Variants in FANCB observed in about 807,000 individuals in gnomAD.
The protein encoded by FANCB is FA complementation group B, also known as Fanconi anemia group B protein.
Under a neutral mutation model 38.9 loss-of-function variants are expected in FANCB, and 5 were observed. That is an observed-to-expected ratio of 0.13 (90% CI 0.07 to 0.27). The LOEUF is 0.27. Among genes scored for constraint, FANCB ranks in the 10% least tolerant of loss-of-function variants. The pLI is 1.00. For synonymous variants in FANCB, 236 were observed against 215.4 expected (o/e 1.10, Z -0.84); for missense variants, 573 against 602.7 (o/e 0.95, Z 0.52).
the FANCB span, chrX:14,731,570 A>G: frequency 8.9e-6 from 1 of 111,921 alleles, no homozygotes; most frequent in Admixed American, 9.5e-5. Context: ...AAATATCCTT[A>G]ACTAACTTAA....
At chrX:14,779,542 C>T in the FANCB span, among the ~76,000 whole-genome samples, 2 of 111,998 alleles carry the variant, frequency 1.8e-5, no homozygotes, top group Non-Finnish European at 3.8e-5. Flanking sequence ...TTCTACCTTC[C>T]CCCATGCCCA....
chrX:14,739,637 T>C, the FANCB span, among the ~76,000 whole-genome samples: 1 of 111,585 alleles, frequency 9.0e-6, no homozygotes, highest in Non-Finnish European at 1.9e-5. Flanking sequence ...TTTTGTGTGA[T>C]TGAATGGCCC....
the FANCB span, among the ~76,000 whole-genome samples, chrX:14,809,766 A>G: frequency 8.9e-6 from 1 of 112,692 alleles, no homozygotes; most frequent in Non-Finnish European, 1.9e-5. Flanking sequence ...ACAGACAAAC[A>G]AAAAGACAGC....
the FANCB span, among the ~76,000 whole-genome samples, chrX:14,809,389 C>A: frequency 6.4e-4 from 72 of 112,329 alleles, no homozygotes; most frequent in African/African-American, 2.3e-3. Context: ...TTGCCTCACT[C>A]GGGCAGCGCA....
the FANCB span, among the ~76,000 whole-genome samples, chrX:14,710,952 A>G: frequency 1.8e-5 from 2 of 112,311 alleles, no homozygotes. Context: ...TTACCTTCCA[A>G]GGTGGTATGT....
chrX:14,700,325 C>T, the FANCB span, among the ~76,000 whole-genome samples: 701 of 109,648 alleles, frequency 6.4e-3, 3 homozygotes, highest in African/African-American at 0.019. Flanking sequence ...GGGGCAGGGA[C>T]GGAGCAGGAA....
At chrX:14,732,294 TTTGGGTTAGTTCCAAGTCTTG>T in the FANCB span, among the ~76,000 whole-genome samples, 29 of 112,253 alleles carry the variant, frequency 2.6e-4, no homozygotes, top group South Asian at 0.01. Context: ...TTGATGGGCA[TTTGGGTTAGTTCCAAGTCTTG>T]GCTATTGTAA....
the FANCB span, among the ~76,000 whole-genome samples, chrX:14,792,161 A>C: frequency 1.8e-5 from 2 of 112,154 alleles, no homozygotes; most frequent in African/African-American, 6.5e-5. Flanking sequence ...CTGAAATTTA[A>C]GATTCTTTAA....
At chrX:14,843,369 C>T (rs2092360789), downstream of FANCB, 1 of 387,568 alleles carries the variant, frequency 2.6e-6, no homozygotes, top group South Asian at 5.0e-5. Context: ...CCAAATGCCC[C>T]TTGGGGTAGA....
At chrX:14,778,917 G>A in the FANCB span, among the ~76,000 whole-genome samples, 2 of 112,097 alleles carry the variant, frequency 1.8e-5, no homozygotes, top group Non-Finnish European at 3.8e-5. Flanking sequence ...TGCTTAAAAT[G>A]GTCTATAACC....
At chrX:14,693,519 T>C in the FANCB span, among the ~76,000 whole-genome samples, 25 of 111,765 alleles carry the variant, frequency 2.2e-4, no homozygotes, top group African/African-American at 8.1e-4. Flanking sequence ...CTCACACTCA[T>C]AGTGAGGAAT....
chrX:14,719,121 C>A, the FANCB span, among the ~76,000 whole-genome samples: 1 of 111,876 alleles, frequency 8.9e-6, no homozygotes, highest in East Asian at 2.8e-4. Flanking sequence ...TAAATGCACA[C>A]CTACAGGAAT....
chrX:14,813,574 A>C, the FANCB span, among the ~76,000 whole-genome samples: 2 of 111,702 alleles, frequency 1.8e-5, no homozygotes, highest in South Asian at 3.7e-4. Flanking sequence ...CCCCATTCAC[A>C]GTTGCTACAA....
chrX:14,860,951 C>T (rs963135437), intron 3 of FANCB, among the ~76,000 whole-genome samples: 2 of 110,599 alleles, frequency 1.8e-5, no homozygotes, highest in African/African-American at 6.6e-5. Flanking sequence ...GGCACAATTA[C>T]AGCTCACTAC....
the FANCB span, among the ~76,000 whole-genome samples, chrX:14,811,978 T>C: frequency 8.9e-6 from 1 of 111,850 alleles, no homozygotes; most frequent in East Asian, 2.8e-4. Context: ...TAGACCACAG[T>C]GCAATCAAAC....
Position 14,865,240 on chromosome X carries a change from G to A in FANCB, c.271C>T (p.Leu91Phe), listed in dbSNP as rs752308987. Residue 91 changes from leucine to phenylalanine, a missense_variant, in exon 3 of 10, where the codon CTC becomes TTC. Leu to Phe is a conservative substitution (Grantham distance 22). Transcript: ENST00000650831. Reference sequence around the variant, plus strand: ...TTTTTTTCTATCACAATGTAAGGGAGGTTAATTCCAGTTCTGAAATCTGAC... The same window carrying A: ...TTTTTTTCTATCACAATGTAAGGGAAGTTAATTCCAGTTCTGAAATCTGAC... ...CVSDFRTGIN[L>F]PYIVIEKNKK... is the part of the protein sequence containing the mutation. 2 of 1,148,855 alleles carry A rather than the reference G, an allele frequency of 1.7e-6. No homozygotes were observed. Among genetic ancestry groups the A allele is most frequent in the South Asian group, 2.1e-5 (1 of 47,801 alleles). The allele number at this position is 1,148,855 out of a possible 1,213,427, so 94.7% of individuals were successfully genotyped here.
At chrX:14,730,764 ACATTCAGACATGATATGCGCAT>A in the FANCB span, 29 of 290,790 alleles carry the variant, frequency 1.0e-4, no homozygotes, top group Admixed American at 6.8e-4. Context: ...GATATGCGCA[ACATTCAGACATGATATGCGCAT>A]CATTCAGACA....
At chrX:14,785,547 C>T in the FANCB span, among the ~76,000 whole-genome samples, 4 of 112,075 alleles carry the variant, frequency 3.6e-5, no homozygotes, top group African/African-American at 1.3e-4. Flanking sequence ...GAGGAGGATG[C>T]ACCTAAGTCA....
chrX:14,747,611 T>C, the FANCB span, among the ~76,000 whole-genome samples: 1 of 112,489 alleles, frequency 8.9e-6, no homozygotes, highest in Non-Finnish European at 1.9e-5. Context: ...TTTAGATGAA[T>C]CAGAAGTACA....
Sources: allele counts gnomAD v4.1 joint callset (sites outside exome capture counted in the v4.1 genomes callset), GRCh38; gene constraint gnomAD v4.1.1; transcripts MANE v1.5; gene names NCBI Gene and HGNC (gene_info 2026-07-23, HGNC 2026-07-21).